Variants in FSTL5 observed in about 807,000 individuals in gnomAD.
The protein encoded by FSTL5 is follistatin-related protein 5.
Under a neutral mutation model 89.1 loss-of-function variants are expected in FSTL5, and 62 were observed. The observed-to-expected ratio is 0.70, with a 90% CI of 0.57 to 0.86. FSTL5 has a LOEUF of 0.86. FSTL5 is among the 40% of genes least tolerant of loss of function. FSTL5 has a pLI of 0.00. For synonymous variants in FSTL5, 383 were observed against 346.2 expected (o/e 1.11, Z -1.18); for missense variants, 1,057 against 1,001.6 (o/e 1.06, Z -0.75).
At chr4:161,808,669 A>G (rs7686856) in intron 4 of FSTL5, among the ~76,000 whole-genome samples, 111,192 of 151,514 alleles carry the variant, frequency 0.73, 40,853 homozygotes, top group Admixed American at 0.76. Flanking sequence ...AAAATTGAAA[A>G]CTGTTCACCA....
At chr4:161,535,838 G>A (rs115395966) in intron 10 of FSTL5, among the ~76,000 whole-genome samples, 5,171 of 152,030 alleles carry the variant, frequency 0.034, 168 homozygotes, top group East Asian at 0.15. Flanking sequence ...AATCAATCTA[G>A]GTGCCTATCA....
At chr4:161,653,157 A>G (rs548456867) in intron 7 of FSTL5, among the ~76,000 whole-genome samples, 2 of 152,312 alleles carry the variant, frequency 1.3e-5, no homozygotes, top group Admixed American at 1.3e-4. Flanking sequence ...AATAAAGACT[A>G]TTAGGAAGCT....
chr4:161,960,630 A>G (rs555417809), intron 3 of FSTL5, among the ~76,000 whole-genome samples: 3 of 152,088 alleles, frequency 2.0e-5, no homozygotes, highest in Non-Finnish European at 4.4e-5. Flanking sequence ...AACTTATGTT[A>G]AATTTGATAT....
At chr4:162,022,319 T>C (rs1171952103) in intron 3 of FSTL5, among the ~76,000 whole-genome samples, 2 of 151,988 alleles carry the variant, frequency 1.3e-5, no homozygotes, top group South Asian at 2.1e-4. Context: ...TTAAACATGA[T>C]ATGTCATACA....
intron 4 of FSTL5, among the ~76,000 whole-genome samples, chr4:161,813,684 T>C (rs1371456436): frequency 6.6e-6 from 1 of 152,216 alleles, no homozygotes. Context: ...TTTGCCTTAG[T>C]TATTTTATCT....
At chr4:161,882,752 A>G (rs768432181) in intron 4 of FSTL5, among the ~76,000 whole-genome samples, 12 of 152,066 alleles carry the variant, frequency 7.9e-5, no homozygotes. Flanking sequence ...CCACATTTTC[A>G]TTTCCATTTA....
intron 4 of FSTL5, among the ~76,000 whole-genome samples, chr4:161,842,232 A>G (rs888470901): frequency 2.6e-5 from 4 of 152,152 alleles, no homozygotes; most frequent in African/African-American, 9.7e-5. Flanking sequence ...GATTGTACCA[A>G]GTTGGCCCCC....
intron 4 of FSTL5, among the ~76,000 whole-genome samples, chr4:161,911,467 T>C (rs1361649745): frequency 2.6e-5 from 4 of 152,210 alleles, no homozygotes; most frequent in Middle Eastern, 6.8e-3. Context: ...CAAAAAGCAT[T>C]GAAAAAAACG....
At chr4:162,146,583 C>G (rs1317911124) in intron 1 of FSTL5, among the ~76,000 whole-genome samples, 1 of 152,040 alleles carries the variant, frequency 6.6e-6, no homozygotes, top group Non-Finnish European at 1.5e-5. Context: ...ACATTTGTCA[C>G]AACTAATAAA....
At chr4:161,787,374 A>C (rs1345620564) in intron 4 of FSTL5, among the ~76,000 whole-genome samples, 1 of 152,148 alleles carries the variant, frequency 6.6e-6, no homozygotes, top group East Asian at 1.9e-4. Flanking sequence ...TGTAAATGAG[A>C]TTGATAAAAG....
chr4:161,834,738 T>C (rs111880328), intron 4 of FSTL5, among the ~76,000 whole-genome samples: 19,238 of 152,030 alleles, frequency 0.13, 1,337 homozygotes, highest in Middle Eastern at 0.17. Flanking sequence ...GGAATCCAAC[T>C]TACAAGGGAC....
chr4:162,005,554 G>A (rs929633513), intron 3 of FSTL5, among the ~76,000 whole-genome samples: 1 of 152,098 alleles, frequency 6.6e-6, no homozygotes, highest in Non-Finnish European at 1.5e-5. Context: ...AGAAAATTCA[G>A]AGTTGGAGAG....
chr4:161,973,789 A>C (rs1735553287), intron 3 of FSTL5, among the ~76,000 whole-genome samples: 2 of 152,156 alleles, frequency 1.3e-5, no homozygotes, highest in Admixed American at 1.3e-4. Context: ...CAATCAAATA[A>C]AGGTAGGGGC....
rs992647644 is a variant in FSTL5 at position 161,973,726 on chromosome 4, T to G, written c.161-53074A>C. Among the ~76,000 whole-genome samples the G allele has an allele frequency of 1.1e-4, 17 of 152,140 alleles. No homozygotes were observed. In the East Asian group the frequency reaches 1.2e-3, roughly 10 times the overall value. ...ACAGTCAATTTTGATGACAAGAGAGTGGAAAAATCTTAACTCTGTGTGCTG... is the reference window on the plus strand; with the variant it reads ...ACAGTCAATTTTGATGACAAGAGAGGGGAAAAATCTTAACTCTGTGTGCTG... On this transcript the variant is annotated intron_variant, in intron 3 of 15. Coordinates refer to ENST00000306100, the MANE Select transcript of FSTL5 (RefSeq NM_020116.5).
At chr4:162,163,464 ATAATAG>A (rs1191089755) in intron 1 of FSTL5, among the ~76,000 whole-genome samples, 145 bp downstream of exon 1, 32 of 137,270 alleles carry the variant, frequency 2.3e-4, no homozygotes, top group South Asian at 6.8e-4. Flanking sequence ...AATAATAATA[ATAATAG>A]TAATTATTAA....
At chr4:161,437,565 CA>C (rs56229701) in intron 15 of FSTL5, among the ~76,000 whole-genome samples, 974 of 68,520 alleles carry the variant, frequency 0.014, 60 homozygotes, top group Admixed American at 0.034. Flanking sequence ...GACTCCGTCT[CA>C]AAAAAAAAAA....
At chr4:161,861,225 C>G (rs759225250) in intron 4 of FSTL5, among the ~76,000 whole-genome samples, 1 of 152,056 alleles carries the variant, frequency 6.6e-6, no homozygotes, top group Non-Finnish European at 1.5e-5. Context: ...GAGTTCGAGA[C>G]CAGCCTGGCC....
chr4:162,065,712 A>G (rs1738872341), intron 2 of FSTL5, among the ~76,000 whole-genome samples: 1 of 152,062 alleles, frequency 6.6e-6, no homozygotes, highest in African/African-American at 2.4e-5. Flanking sequence ...ACTTCTCGGT[A>G]CATAGCCAAA....
rs1254873743 is a variant in FSTL5, at chr4:161,384,841, A to G, written c.*906T>C. On this transcript the variant is annotated 3_prime_UTR_variant, in exon 16 of 16. Transcript: ENST00000306100. ...GTAATGTTTCTTTTTTAAAACCGAA[A>G]GTTCCTGATGATGAAACATTGGACT... 1 of 152,138 alleles carries G rather than the reference A, an allele frequency of 6.6e-6. No homozygotes were observed. The highest frequency in any genetic ancestry group is 1.5e-5 in the Non-Finnish European group (1 of 68,012). 9.4% of individuals were successfully genotyped at this position (152,138 alleles called of 1,614,324 possible).
Sources: allele counts gnomAD v4.1 joint callset (sites outside exome capture counted in the v4.1 genomes callset), GRCh38; gene constraint gnomAD v4.1.1; transcripts MANE v1.5; gene names NCBI Gene and HGNC (gene_info 2026-07-23, HGNC 2026-07-21).